VWA1: variants seen among roughly 807,000 people sequenced by gnomAD.
VWA1 encodes the protein von Willebrand factor A domain-containing protein 1.
VWA1 carries 12 observed loss-of-function variants against 14.9 expected under a neutral mutation model. The observed-to-expected ratio is 0.80, with a 90% CI of 0.52 to 1.30. The LOEUF is 1.30. Among genes scored for constraint, VWA1 ranks in the 50% most tolerant of loss-of-function variants. VWA1 has a pLI of 0.00. For synonymous variants in VWA1, 368 were observed against 310.7 expected, an observed-to-expected ratio of 1.18 and a Z score of -1.94; for missense variants, 800 against 649.1, an observed-to-expected ratio of 1.23 and a Z score of -2.53.
Position 1,435,690 on chromosome 1 carries a change from A to G in VWA1, c.-59A>G. The G allele has an allele frequency of 7.1e-6, 8 of 1,133,934 alleles. No homozygotes were observed. Among genetic ancestry groups the G allele is most frequent in the Non-Finnish European group, 6.5e-6 (6 of 919,712 alleles). 70.2% of individuals were successfully genotyped at this position (1,133,934 alleles called of 1,614,324 possible). On this transcript the variant is annotated 5_prime_UTR_variant, in exon 1 of 3. Coordinates refer to ENST00000476993, the MANE Select transcript of VWA1 (RefSeq NM_022834.5). ...TGGTCCGCGCGGTGACGCGCCCTGC[A>G]GCCCCGAGCGAGCGAGCGAGCGAGC...
At chr1:1,435,944 G>GCCGGGCGGGGGC (rs1553196204) in intron 1 of VWA1, 123 bp downstream of exon 1, 1 of 547,954 alleles carries the variant, frequency 1.8e-6, no homozygotes, top group African/African-American at 2.4e-5. Context: ...GGCTGCGGGA[G>GCCGGGCGGGGGC]CCGGGCGGGG....
intron 2 of VWA1, 57 bp from the exon 3 acceptor site, chr1:1,439,024 C>G: frequency 6.5e-7 from 1 of 1,545,872 alleles, no homozygotes; most frequent in East Asian, 2.4e-5. Context: ...CAGGGCCGCC[C>G]TCCAGCAGCG....
chr1:1,440,069 G>A lies in VWA1; in HGVS notation c.*282G>A, dbSNP rs1019545418. The A allele has an allele frequency of 3.7e-5, 7 of 188,862 alleles. No homozygotes were observed. The highest frequency in any genetic ancestry group is 5.8e-5 in the Non-Finnish European group (5 of 86,498). 11.7% of individuals were successfully genotyped at this position (188,862 alleles called of 1,614,324 possible). A position where few individuals can be genotyped will look rare whatever the true frequency, so the allele number is the denominator to read the frequency against. On this transcript the variant is annotated 3_prime_UTR_variant, in exon 3 of 3. Transcript: ENST00000476993. ...GGGTCCGTGGGTGATAATTGAGAGC[G>A]TCAGACCCAGGACTGTTCAGGGAGG...
In VWA1 at chr1:1,439,286, C is replaced by T. The variant is rs745886971; in HGVS notation, c.837C>T (p.Tyr279=). ...IWAGLDPDTD[Y]DVALVPESNV... is the part of the protein sequence containing the mutation. ...CCGGCCTCGACCCGGACACGGACTA[C>T]GACGTGGCGCTAGTGCCTGAGTCCA... Residue 279 remains tyrosine (Y), a synonymous_variant, in exon 3 of 3, where the codon TAC becomes TAT. Coordinates refer to ENST00000476993, the MANE Select transcript of VWA1 (RefSeq NM_022834.5). 4.4e-6 allele frequency: 7 copies of T among 1,601,722 alleles called. No individual in the cohort carries two copies. Among genetic ancestry groups the T allele is most frequent in the Admixed American group, 1.7e-5 (1 of 59,118 alleles).
chr1:1,439,626 C>A lies in VWA1; in HGVS notation c.1177C>A (p.Leu393Met). ...AGRNCTTLQGLAPGTAYLVTV... is the reference protein window; with the variant it reads ...AGRNCTTLQGMAPGTAYLVTV... The stretch of plus-strand genomic sequence containing the variant: ...CCGCAACTGCACCACGCTGCAGGGC[C>A]TGGCGCCGGGCACCGCCTACCTGGT... Residue 393 changes from leucine to methionine, a missense_variant, in exon 3 of 3, where the codon CTG becomes ATG. Transcript: ENST00000476993. The A allele has an allele frequency of 7.6e-7, 1 of 1,313,234 alleles. No homozygotes were observed. Among genetic ancestry groups the A allele is most frequent in the African/African-American group, 1.6e-5 (1 of 62,346 alleles). The allele number at this position is 1,313,234 out of a possible 1,614,324, so 81.3% of individuals were successfully genotyped here.
chr1:1,439,678 G>A lies in VWA1; in HGVS notation c.1229G>A (p.Gly410Asp). The A allele has an allele frequency of 7.7e-7, 1 of 1,297,836 alleles. No individual in the cohort carries two copies. Among genetic ancestry groups the A allele is most frequent in the Non-Finnish European group, 9.9e-7 (1 of 1,013,812 alleles). 80.4% of individuals were successfully genotyped at this position (1,297,836 alleles called of 1,614,324 possible). Residue 410 changes from glycine (G) to aspartate (D), a missense_variant, in exon 3 of 3, where the codon GGC becomes GAC. By Grantham distance (94) the Gly-to-Asp change is moderately conservative. Coordinates refer to ENST00000476993, the MANE Select transcript of VWA1 (RefSeq NM_022834.5). Reference sequence around the variant, plus strand: ...ACCGTGACCGCCGCCTTCCGCTCGGGCCGCGAGAGCGCGCTGTCCGCCAAG... The same window carrying A: ...ACCGTGACCGCCGCCTTCCGCTCGGACCGCGAGAGCGCGCTGTCCGCCAAG... ...LVTVTAAFRS[G>D]RESALSAKAC...
intron 2 of VWA1, 99 bp downstream of exon 2, chr1:1,437,583 C>T (rs1221566266): frequency 1.3e-5 from 18 of 1,430,752 alleles, no homozygotes; most frequent in Middle Eastern, 2.5e-4. Flanking sequence ...CCCAGAGCAG[C>T]GGCCAGGGCC....
Position 1,437,298 on chromosome 1 carries a change from G to A in VWA1, c.445G>A (p.Asp149Asn), listed in dbSNP as rs370057906. 2.8e-4 allele frequency: 448 copies of A among 1,610,696 alleles called. No individual in the cohort carries two copies. Among genetic ancestry groups the A allele is most frequent in the Non-Finnish European group, 3.6e-4 (426 of 1,179,162 alleles). ...GTGGGTGACAGATGGCGGCTCCAGCGACCCTGTGGGCCCCCCCATGCAGGA... is the reference window on the plus strand; with the variant it reads ...GTGGGTGACAGATGGCGGCTCCAGCAACCCTGTGGGCCCCCCCATGCAGGA... ...LVWVTDGGSS[D>N]PVGPPMQELK... Residue 149 changes from aspartate (D) to asparagine (N), a missense_variant, in exon 2 of 3, where the codon GAC becomes AAC. Asp to Asn is a conservative substitution (Grantham distance 23). Transcript: ENST00000476993.
chr1:1,438,968 C>G (rs971650509), intron 2 of VWA1, 113 bp from the exon 3 acceptor site: 59 of 1,432,508 alleles, frequency 4.1e-5, no homozygotes, highest in Non-Finnish European at 5.1e-5. Flanking sequence ...CGCGGGGCCC[C>G]GTCTTTCCTA....
chr1:1,437,075 T>G lies in VWA1; in HGVS notation c.222T>G (p.Ser74Arg), dbSNP rs768379861. Residue 74 changes from serine (S) to arginine (R), a missense_variant, in exon 2 of 3, where the codon AGT (serine) becomes AGG (arginine). Physicochemically the swap from Ser to Arg is moderately radical, Grantham distance 110 (BLOSUM62 -1). Coordinates refer to ENST00000476993, the MANE Select transcript of VWA1 (RefSeq NM_022834.5). ...TGGGCACCGGGGCCCTGCGTGCCAG[T>G]CTGGTGCACGTGGGCAGTCGGCCAT... is the stretch of plus-strand genomic sequence containing the variant. ...LPLGTGALRA[S>R]LVHVGSRPYT... is the part of the protein sequence containing the mutation. 105 of 1,608,556 alleles carry G rather than the reference T, an allele frequency of 6.5e-5. No homozygotes were observed. Among genetic ancestry groups the G allele is most frequent in the Non-Finnish European group, 8.7e-5 (103 of 1,177,294 alleles).
In VWA1 at chr1:1,439,784, G is replaced by C. The variant is rs970287434; in HGVS notation, c.1335G>C (p.Pro445=). The C allele has an allele frequency of 2.8e-6, 3 of 1,075,346 alleles. No homozygotes were observed. Among genetic ancestry groups the C allele is most frequent in the South Asian group, 4.1e-5 (1 of 24,292 alleles). The allele number at this position is 1,075,346 out of a possible 1,614,324, so 66.6% of individuals were successfully genotyped here. ...APTPGTASRE[P] is the part of the protein sequence containing the mutation. Reference sequence around the variant, plus strand: ...CCCCGGGGACCGCCAGCCGTGAGCCGTAAGCCGGCGTCCCCGCCCAGCCGA... The same window carrying C: ...CCCCGGGGACCGCCAGCCGTGAGCCCTAAGCCGGCGTCCCCGCCCAGCCGA... The change falls in exon 3 of 3, where the codon CCG becomes CCC. Residue 445 remains proline, a synonymous_variant. Coordinates refer to ENST00000476993, the MANE Select transcript of VWA1 (RefSeq NM_022834.5).
chr1:1,439,359 G>A lies in VWA1; in HGVS notation c.910G>A (p.Gly304Ser), dbSNP rs1197425052. The A allele has an allele frequency of 5.8e-6, 9 of 1,540,144 alleles. No homozygotes were observed. The highest frequency in any genetic ancestry group is 1.7e-4 in the Middle Eastern group (1 of 5,716). The change falls in exon 3 of 3, where the codon GGT (glycine) becomes AGT (serine). Residue 304 changes from glycine to serine, a missense_variant. Transcript: ENST00000476993. The part of the protein sequence containing the change: ...PQILRVRTRP[G>S]EAGPGASGPE... ...GATCCTGCGGGTGCGCACGCGGCCC[G>A]GTGAGGCAGGGCCGGGGGCTTCGGG...
At position 1,439,755 on chromosome 1, in the gene VWA1, C is replaced by G; in HGVS notation, c.1306C>G (p.Pro436Ala). 2 of 1,089,524 alleles carry G rather than the reference C, an allele frequency of 1.8e-6. No individual in the cohort carries two copies. The highest frequency in any genetic ancestry group is 7.8e-5 in the South Asian group (2 of 25,652). 67.5% of individuals were successfully genotyped at this position (1,089,524 alleles called of 1,614,324 possible). A position where few individuals can be genotyped will look rare whatever the true frequency, so the allele number is the denominator to read the frequency against. Reference protein sequence around the residue: ...RPRPRPVPRAPTPGTASREP With the variant: ...RPRPRPVPRAATPGTASREP ...GCGCCCACGCCCCGTGCCCCGCGCC[C>G]CGACCCCGGGGACCGCCAGCCGTGA... is the stretch of plus-strand genomic sequence containing the variant. Residue 436 changes from proline (P) to alanine (A), a missense_variant, in exon 3 of 3, where the codon CCG becomes GCG. Physicochemically the swap from Pro to Ala is conservative, Grantham distance 27. Transcript: ENST00000476993.
Position 1,439,406 on chromosome 1 carries a change from G to A in VWA1, c.957G>A (p.Pro319=), listed in dbSNP as rs955791798. 6.9e-7 allele frequency: 1 copy of A among 1,439,786 alleles called. No homozygotes were observed. Among genetic ancestry groups the A allele is most frequent in the Non-Finnish European group, 9.0e-7 (1 of 1,107,910 alleles). 89.2% of individuals were successfully genotyped at this position (1,439,786 alleles called of 1,614,324 possible). A position where few individuals can be genotyped will look rare whatever the true frequency, so the allele number is the denominator to read the frequency against. The change falls in exon 3 of 3, where the codon CCG becomes CCA. Residue 319 remains proline (P), a synonymous_variant. Transcript: ENST00000476993. ...GASGPESGAG[P]APTQLAALPA... is the part of the protein sequence containing the mutation. ...CGGGCCCGGAGTCGGGGGCTGGGCC[G>A]GCCCCCACGCAGCTCGCCGCCCTCC...
rs1017531789 is a variant in VWA1, at chr1:1,441,849, T to G, written c.*2062T>G. The stretch of plus-strand genomic sequence containing the variant: ...ACTCACATGAGAAGCTGGGAGGAGC[T>G]CCAGCTCTGCAATCCCGAGAGGGCA... On this transcript the variant is annotated 3_prime_UTR_variant, in exon 3 of 3. Coordinates refer to ENST00000476993, the MANE Select transcript of VWA1 (RefSeq NM_022834.5). 2.0e-5 allele frequency: 3 copies of G among 152,066 alleles called. No individual in the cohort carries two copies. The highest frequency in any genetic ancestry group is 6.5e-5 in the Admixed American group (1 of 15,268). The allele number at this position is 152,066 out of a possible 1,614,324, so 9.4% of individuals were successfully genotyped here.
intron 2 of VWA1, 99 bp from the exon 3 acceptor site, chr1:1,438,982 G>C (rs1638600145): frequency 6.9e-7 from 1 of 1,450,402 alleles, no homozygotes; most frequent in Non-Finnish European, 9.0e-7. Flanking sequence ...TTTCCTAGTG[G>C]GGCCTCCAAT....
At chr1:1,437,903 C>T (rs1638579204) in intron 2 of VWA1, among the ~76,000 whole-genome samples, 2 of 152,328 alleles carry the variant, frequency 1.3e-5, no homozygotes, top group South Asian at 2.1e-4. Flanking sequence ...CCCCAGAGAG[C>T]ACAGGGCACC....
intron 1 of VWA1, among the ~76,000 whole-genome samples, chr1:1,436,459 G>A (rs1638544149): frequency 6.6e-6 from 1 of 152,218 alleles, no homozygotes; most frequent in African/African-American, 2.4e-5. Flanking sequence ...TCATTGCTGT[G>A]CCTCCGACAC....
At position 1,439,830 on chromosome 1, in the gene VWA1, G is replaced by A. The variant is rs1353063641; in HGVS notation, c.*43G>A. ...GCCGAGAGGGCCGGCGCCTACCTGA[G>A]GGCCCCTGTGTCCCGAACCCGGAGC... On this transcript the variant is annotated 3_prime_UTR_variant, in exon 3 of 3. Transcript: ENST00000476993. 8 of 1,058,774 alleles carry A rather than the reference G, an allele frequency of 7.6e-6. No homozygotes were observed. In the South Asian group the frequency reaches 3.0e-4, roughly 40 times the overall value. The allele number at this position is 1,058,774 out of a possible 1,614,324, so 65.6% of individuals were successfully genotyped here.
Sources: gnomAD v4.1 joint callset for allele counts (sites outside exome capture counted in the v4.1 genomes callset) on GRCh38, gnomAD v4.1.1 for gene constraint, MANE v1.5 for transcripts, NCBI Gene and HGNC (gene_info 2026-07-23, HGNC 2026-07-21) for gene names.